GTF2IRD1: variants seen among roughly 807,000 people sequenced by gnomAD.
The protein encoded by GTF2IRD1 is general transcription factor II-I repeat domain-containing protein 1.
GTF2IRD1 carries 26 observed loss-of-function variants against 113.2 expected under a neutral mutation model. The ratio of observed to expected loss-of-function variants is 0.23; its 90% CI spans 0.17 to 0.32. GTF2IRD1 has a LOEUF of 0.32. Among genes scored for constraint, GTF2IRD1 ranks in the 10% least tolerant of loss-of-function variants. The pLI is 1.00. For synonymous variants in GTF2IRD1, 484 were observed against 529.1 expected (o/e 0.91, Z 1.17); for missense variants, 864 against 1,280.8 (o/e 0.67, Z 4.97).
intron 25 of GTF2IRD1, among the ~76,000 whole-genome samples, chr7:74,597,263 C>T (rs755121571): frequency 1.3e-5 from 2 of 151,418 alleles, no homozygotes; most frequent in African/African-American, 4.9e-5. Context: ...AGGCTGGTCT[C>T]GAACTCCTGA....
intron 1 of GTF2IRD1, among the ~76,000 whole-genome samples, chr7:74,478,724 G>A (rs910958743): frequency 2.0e-5 from 3 of 151,668 alleles, no homozygotes; most frequent in African/African-American, 7.3e-5. Flanking sequence ...CCAAAGTGCT[G>A]GGATTATAGG....
intron 1 of GTF2IRD1, among the ~76,000 whole-genome samples, chr7:74,458,396 T>C (rs569173214): frequency 2.6e-5 from 4 of 152,102 alleles, no homozygotes; most frequent in South Asian, 2.1e-4. Context: ...GGTGTAGATG[T>C]TGGGGGCTCC....
Position 74,453,983 on chromosome 7 carries a change from C to T in GTF2IRD1, c.-200C>T, listed in dbSNP as rs1287823541. 5 of 147,712 alleles carry T rather than the reference C, an allele frequency of 3.4e-5. No individual in the cohort carries two copies. Among genetic ancestry groups the T allele is most frequent in the Admixed American group, 3.4e-4 (5 of 14,880 alleles). 9.2% of individuals were successfully genotyped at this position (147,712 alleles called of 1,614,324 possible). A position where few individuals can be genotyped will look rare whatever the true frequency, so the allele number is the denominator to read the frequency against. ...GGGCCGCCGAGCGCCAGCCCCCCGGCCGGCCGATTCCCCCCCCGCGCCCCC... is the reference window on the plus strand; with the variant it reads ...GGGCCGCCGAGCGCCAGCCCCCCGGTCGGCCGATTCCCCCCCCGCGCCCCC... On this transcript the variant is annotated 5_prime_UTR_variant, in exon 1 of 27. Coordinates refer to ENST00000424337, the MANE Select transcript of GTF2IRD1 (RefSeq NM_005685.4).
At chr7:74,510,726 A>G (rs1796577716) in intron 2 of GTF2IRD1, among the ~76,000 whole-genome samples, 1 of 152,128 alleles carries the variant, frequency 6.6e-6, no homozygotes, top group Non-Finnish European at 1.5e-5. Context: ...GACAGTGCAG[A>G]GGTAGAATGT....
intron 1 of GTF2IRD1, among the ~76,000 whole-genome samples, chr7:74,474,674 GTTGTGT>G (rs1794302875): frequency 6.6e-6 from 1 of 152,196 alleles, no homozygotes; most frequent in South Asian, 2.1e-4. Context: ...GGAGAGTACT[GTTGTGT>G]TTGTAGTGTT....
At chr7:74,502,415 T>G (rs1295909830) in intron 1 of GTF2IRD1, among the ~76,000 whole-genome samples, 1 of 152,260 alleles carries the variant, frequency 6.6e-6, no homozygotes, top group Non-Finnish European at 1.5e-5. Context: ...GGCTTTGGGC[T>G]GCAGAATAGG....
At chr7:74,537,227 T>C (rs1217628447) in intron 11 of GTF2IRD1, among the ~76,000 whole-genome samples, 2 of 152,054 alleles carry the variant, frequency 1.3e-5, no homozygotes, top group East Asian at 1.9e-4. Flanking sequence ...CTGGCCAACA[T>C]GGCAAAACCC....
At chr7:74,517,092 C>T (rs587604784) in intron 4 of GTF2IRD1, among the ~76,000 whole-genome samples, 70 of 151,902 alleles carry the variant, frequency 4.6e-4, no homozygotes, top group Non-Finnish European at 7.8e-4. Context: ...GGCATGATCT[C>T]GGCTCATTAC....
intron 17 of GTF2IRD1, among the ~76,000 whole-genome samples, chr7:74,554,288 C>T (rs1799476485): frequency 6.6e-6 from 1 of 152,216 alleles, no homozygotes; most frequent in Admixed American, 6.5e-5. Context: ...AACAGGCTTG[C>T]TCTAACAGGA....
intron 22 of GTF2IRD1, among the ~76,000 whole-genome samples, chr7:74,576,567 C>A (rs1801078906): frequency 7.1e-6 from 1 of 140,064 alleles, no homozygotes; most frequent in South Asian, 2.3e-4. Flanking sequence ...AAAAAGATGT[C>A]AGCAGGGCTG....
intron 1 of GTF2IRD1, among the ~76,000 whole-genome samples, chr7:74,466,663 C>G (rs960410869): frequency 6.6e-6 from 1 of 152,184 alleles, no homozygotes; most frequent in Non-Finnish European, 1.5e-5. Context: ...GCTTCCCTGA[C>G]CTCATCTCCC....
chr7:74,501,521 C>T (rs868940852), intron 1 of GTF2IRD1, among the ~76,000 whole-genome samples: 5 of 152,150 alleles, frequency 3.3e-5, no homozygotes, highest in African/African-American at 1.2e-4. Context: ...TGGCCGAGCC[C>T]CTGGGCCAGA....
rs1168890388 is a variant in GTF2IRD1, at chr7:74,583,371, C to CT, written c.2321-6461dup. On this transcript the variant is annotated intron_variant, in intron 22 of 26. Coordinates refer to ENST00000424337, the MANE Select transcript of GTF2IRD1 (RefSeq NM_005685.4). ...GCCCAGCTAATTTTTCTTTTTTTTTCTTTTTTTTTTTTTTTTTTTGTGGAG... is the reference window on the plus strand; with the variant it reads ...GCCCAGCTAATTTTTCTTTTTTTTTCTTTTTTTTTTTTTTTTTTTTGTGGAG... Among the ~76,000 whole-genome samples the CT allele has an allele frequency of 7.6e-3, 930 of 122,256 alleles. 5 individuals are homozygous for CT. The highest frequency in any genetic ancestry group is 9.8e-3 in the African/African-American group (313 of 32,060). The allele number at this position is 122,256 out of a possible 152,430, so 80.2% of individuals were successfully genotyped here.
intron 20 of GTF2IRD1, among the ~76,000 whole-genome samples, chr7:74,558,613 G>A (rs188188485): frequency 3.3e-5 from 5 of 152,096 alleles, no homozygotes; most frequent in Admixed American, 2.0e-4. Context: ...AGATCCTCCT[G>A]CCTTGGTTCC....
At chr7:74,570,577 C>T (rs1554362360) in intron 22 of GTF2IRD1, among the ~76,000 whole-genome samples, 2 of 152,000 alleles carry the variant, frequency 1.3e-5, no homozygotes, top group African/African-American at 4.8e-5. Context: ...TCGCTTGAGC[C>T]CAGGAAGTCA....
At chr7:74,494,219 G>A (rs746619058) in intron 1 of GTF2IRD1, among the ~76,000 whole-genome samples, 1 of 152,190 alleles carries the variant, frequency 6.6e-6, no homozygotes, top group African/African-American at 2.4e-5. Context: ...AGTGAGCTAC[G>A]ATCGCACCAC....
intron 17 of GTF2IRD1, among the ~76,000 whole-genome samples, chr7:74,548,668 C>G (rs1554354030): frequency 6.6e-6 from 1 of 152,026 alleles, no homozygotes; most frequent in African/African-American, 2.4e-5. Flanking sequence ...ACTCAGGAGG[C>G]TGAAGCAGAA....
chr7:74,572,409 A>G (rs1037870182), intron 22 of GTF2IRD1: 5 of 163,928 alleles, frequency 3.1e-5, no homozygotes, highest in African/African-American at 1.2e-4. Context: ...AAGTTAACTT[A>G]CCATCTCTGA....
chr7:74,468,802 G>T (rs1261875549), intron 1 of GTF2IRD1, among the ~76,000 whole-genome samples: 2 of 148,770 alleles, frequency 1.3e-5, no homozygotes, highest in Admixed American at 6.8e-5. Context: ...AAATATGGAA[G>T]GGCCGGGCGC....
Sources: allele counts gnomAD v4.1 joint callset (sites outside exome capture counted in the v4.1 genomes callset), GRCh38; gene constraint gnomAD v4.1.1; transcripts MANE v1.5; gene names NCBI Gene and HGNC (gene_info 2026-07-23, HGNC 2026-07-21).